Variants in TENM3 observed in about 807,000 individuals in gnomAD.
The protein encoded by TENM3 is teneurin-3.
Under a neutral mutation model 255.1 loss-of-function variants are expected in TENM3, and 63 were observed. The ratio of observed to expected loss-of-function variants is 0.25; its 90% CI spans 0.20 to 0.30. The LOEUF is 0.30. Among genes scored for constraint, TENM3 ranks in the 10% least tolerant of loss-of-function variants. The pLI, the probability that TENM3 is intolerant of heterozygous loss-of-function variation, is 1.00. For synonymous variants in TENM3, 1,306 were observed against 1,322.3 expected (o/e 0.99, Z 0.27); for missense variants, 2,929 against 3,461.1 (o/e 0.85, Z 3.86).
At chr4:181,605,462 G>C in the TENM3 span, among the ~76,000 whole-genome samples, 15 of 134,306 alleles carry the variant, frequency 1.1e-4, no homozygotes, top group Admixed American at 1.1e-3. Context: ...AAGAGAGAGA[G>C]AGAGAGAGAG....
chr4:181,706,448 C>T, the TENM3 span, among the ~76,000 whole-genome samples: 1 of 152,094 alleles, frequency 6.6e-6, no homozygotes, highest in African/African-American at 2.4e-5. Flanking sequence ...TGTTGTGGCA[C>T]AGCACAGTCC....
At chr4:182,131,383 T>C in the TENM3 span, among the ~76,000 whole-genome samples, 2 of 152,236 alleles carry the variant, frequency 1.3e-5, no homozygotes, top group Non-Finnish European at 2.9e-5. Flanking sequence ...TTCATTTTTC[T>C]TTCTGTTTAT....
chr4:182,136,778 G>T, the TENM3 span, among the ~76,000 whole-genome samples: 1 of 152,094 alleles, frequency 6.6e-6, no homozygotes, highest in Non-Finnish European at 1.5e-5. Context: ...TGAGAACACT[G>T]TTTCAACATA....
In TENM3 at chr4:182,650,527, T is replaced by C. The variant is rs1042567066; in HGVS notation, c.989-3244T>C. Among the ~76,000 whole-genome samples, 10 of 150,146 alleles carry C rather than the reference T, an allele frequency of 6.7e-5. 2 individuals carry two copies. Among genetic ancestry groups the C allele is most frequent in the Non-Finnish European group, 1.2e-4 (8 of 67,260 alleles). On this transcript the variant is annotated intron_variant, in intron 5 of 27. Transcript: ENST00000511685. ...TGCCAGATACCCCATTTAGTTTTAT[T>C]ACACCACTGCTCAGTAATTTCTGTA...
chr4:182,221,424 G>A (rs964457347), intron 1 of TENM3, among the ~76,000 whole-genome samples: 5 of 152,148 alleles, frequency 3.3e-5, no homozygotes, highest in East Asian at 1.9e-4. Flanking sequence ...TCTAGGAATT[G>A]GTATAAAGTG....
At chr4:182,068,437 A>C in the TENM3 span, among the ~76,000 whole-genome samples, 5 of 152,140 alleles carry the variant, frequency 3.3e-5, no homozygotes, top group South Asian at 2.1e-4. Flanking sequence ...ACATTAAAAA[A>C]AAACCAAAAC....
intron 12 of TENM3, among the ~76,000 whole-genome samples, chr4:182,701,210 C>CTTTTTTTTTT (rs35538818): frequency 0.019 from 729 of 38,664 alleles, 276 homozygotes; most frequent in Non-Finnish European, 0.023. Context: ...CAACTCTTGA[C>CTTTTTTTTTT]TTTTTTTTTT....
chr4:182,094,269 G>A, the TENM3 span, among the ~76,000 whole-genome samples: 6,448 of 150,912 alleles, frequency 0.043, 188 homozygotes, highest in South Asian at 0.08. Context: ...TTTTTGAGAC[G>A]GAGTTTTGCT....
At chr4:181,997,539 G>T in the TENM3 span, among the ~76,000 whole-genome samples, 1 of 152,030 alleles carries the variant, frequency 6.6e-6, no homozygotes, top group Non-Finnish European at 1.5e-5. Context: ...TTCATGAAAG[G>T]CCCGATCAAA....
chr4:181,742,766 G>A, the TENM3 span, among the ~76,000 whole-genome samples: 19 of 151,736 alleles, frequency 1.3e-4, no homozygotes, highest in Admixed American at 5.9e-4. Context: ...ATGCTGATGC[G>A]CTGCACCCAC....
At chr4:181,967,567 C>T in the TENM3 span, among the ~76,000 whole-genome samples, 2 of 152,136 alleles carry the variant, frequency 1.3e-5, no homozygotes, top group Non-Finnish European at 2.9e-5. Flanking sequence ...TGCTGGCTTT[C>T]CTTGGGGCAG....
chr4:182,725,629 TTTTTTTC>T (rs1304037243), intron 13 of TENM3, among the ~76,000 whole-genome samples: 5 of 9,768 alleles, frequency 5.1e-4, no homozygotes, highest in African/African-American at 1.6e-3. Context: ...TTTCTTTTCT[TTTTTTTC>T]TTTTTTTTTT....
the TENM3 span, among the ~76,000 whole-genome samples, chr4:181,459,153 A>G: frequency 6.6e-6 from 1 of 151,938 alleles, no homozygotes; most frequent in African/African-American, 2.4e-5. Context: ...TAAAGACTAA[A>G]TACATTGAAT....
the TENM3 span, among the ~76,000 whole-genome samples, chr4:181,953,489 A>G: frequency 1.3e-5 from 2 of 152,080 alleles, no homozygotes; most frequent in Admixed American, 1.3e-4. Flanking sequence ...CGATGGATAC[A>G]GCAAAATGGC....
At chr4:182,766,092 T>A (rs892366559) in intron 22 of TENM3, among the ~76,000 whole-genome samples, 1 of 152,166 alleles carries the variant, frequency 6.6e-6, no homozygotes, top group Non-Finnish European at 1.5e-5. Context: ...CAGCCCTCCT[T>A]GTCCTCGCTC....
intron 3 of TENM3, among the ~76,000 whole-genome samples, chr4:182,545,127 T>C (rs1163940311): frequency 6.6e-6 from 1 of 152,198 alleles, no homozygotes; most frequent in East Asian, 1.9e-4. Flanking sequence ...TCAAGGTGAT[T>C]TCTAAGATGC....
At chr4:182,058,053 A>G in the TENM3 span, among the ~76,000 whole-genome samples, 1 of 151,904 alleles carries the variant, frequency 6.6e-6, no homozygotes, top group East Asian at 1.9e-4. Flanking sequence ...AAAGTCACGG[A>G]ACATGCTATG....
chr4:181,600,798 C>T, the TENM3 span, among the ~76,000 whole-genome samples: 1 of 150,932 alleles, frequency 6.6e-6, no homozygotes. Context: ...TTCTCATTAG[C>T]ACCATTTTCC....
the TENM3 span, among the ~76,000 whole-genome samples, chr4:182,009,356 T>G: frequency 6.6e-6 from 1 of 152,164 alleles, no homozygotes; most frequent in Non-Finnish European, 1.5e-5. Flanking sequence ...ATGCAGAGAC[T>G]GCTGCCACCC....
Sources: gnomAD v4.1 joint callset for allele counts (sites outside exome capture counted in the v4.1 genomes callset) on GRCh38, gnomAD v4.1.1 for gene constraint, MANE v1.5 for transcripts, NCBI Gene and HGNC (gene_info 2026-07-23, HGNC 2026-07-21) for gene names.